Variants in CDH6 observed in about 807,000 individuals in gnomAD.
The protein encoded by CDH6 is cadherin 6, also known as cadherin-6.
A neutral mutation model predicts 78.0 loss-of-function variants in CDH6; 31 were observed. The observed-to-expected ratio is 0.40, with a 90% CI of 0.30 to 0.54. The LOEUF (loss-of-function observed/expected upper bound fraction) is 0.54. Ranked by LOEUF, CDH6 falls within the 20% of genes least tolerant of loss-of-function variation. CDH6 has a pLI of 0.56. For synonymous variants in CDH6, 376 were observed against 368.8 expected (o/e 1.02, Z -0.23); for missense variants, 724 against 975.9 (o/e 0.74, Z 3.44).
In CDH6 at chr5:31,323,794, T is replaced by C. The variant is rs1185228136; in HGVS notation, c.*486T>C. On this transcript the variant is annotated 3_prime_UTR_variant, in exon 12 of 12. Transcript: ENST00000265071. ...GGTGTTTATTTGTGTCACAAAGAAT[T>C]TAAAATAACACTTGCCCATGCTATT... The C allele has an allele frequency of 4.3e-6, 1 of 231,578 alleles. No individual in the cohort carries two copies. Among genetic ancestry groups the C allele is most frequent in the African/African-American group, 2.2e-5 (1 of 45,252 alleles). The allele number at this position is 231,578 out of a possible 1,614,324, so 14.3% of individuals were successfully genotyped here.
intron 2 of CDH6, among the ~76,000 whole-genome samples, chr5:31,274,132 G>GATA: frequency 6.6e-6 from 1 of 152,258 alleles, no homozygotes; most frequent in South Asian, 2.1e-4. Flanking sequence ...TTGCTCATTG[G>GATA]ATATACTTCT....
chr5:31,259,816 GAA>G (rs1742163382), intron 1 of CDH6, among the ~76,000 whole-genome samples: 1 of 152,206 alleles, frequency 6.6e-6, no homozygotes, highest in African/African-American at 2.4e-5. Flanking sequence ...GCAGGTCTAG[GAA>G]AACCCCAGTG....
At chr5:31,302,903 A>AAAGAAAG (rs1554010012) in intron 6 of CDH6, among the ~76,000 whole-genome samples, 21 of 90,454 alleles carry the variant, frequency 2.3e-4, no homozygotes, top group Middle Eastern at 6.0e-3. Context: ...AAGAAAGAAA[A>AAAGAAAG]AAAGAAAGAA....
chr5:31,301,022 C>A (rs1463303763), intron 5 of CDH6, among the ~76,000 whole-genome samples: 1 of 152,104 alleles, frequency 6.6e-6, no homozygotes, highest in Admixed American at 6.5e-5. Context: ...ACTCAGAAGG[C>A]TGAGGTGGGA....
chr5:31,245,023 G>C (rs991634945), intron 1 of CDH6, among the ~76,000 whole-genome samples: 1 of 152,178 alleles, frequency 6.6e-6, no homozygotes, highest in African/African-American at 2.4e-5. Flanking sequence ...ACATGGAGCA[G>C]GAAACAAAGT....
intron 1 of CDH6, among the ~76,000 whole-genome samples, chr5:31,219,243 AT>A (rs1461834510): frequency 6.6e-6 from 1 of 152,080 alleles, no homozygotes; most frequent in Admixed American, 6.6e-5. Context: ...AAGCCATCAG[AT>A]TTTTTTGACT....
At chr5:31,297,673 A>G (rs1579895099) in intron 4 of CDH6, among the ~76,000 whole-genome samples, 1 of 152,184 alleles carries the variant, frequency 6.6e-6, no homozygotes, top group Non-Finnish European at 1.5e-5. Flanking sequence ...GGGTGAAGCT[A>G]AAAGGTAAAC....
At chr5:31,315,818 CTAA>C (rs761478009) in intron 8 of CDH6, among the ~76,000 whole-genome samples, 1 of 152,212 alleles carries the variant, frequency 6.6e-6, no homozygotes, top group Non-Finnish European at 1.5e-5. Flanking sequence ...ACCACTAAGA[CTAA>C]TAACTATCCT....
At chr5:31,280,140 G>A (rs2149939871) in intron 2 of CDH6, among the ~76,000 whole-genome samples, 1 of 152,258 alleles carries the variant, frequency 6.6e-6, no homozygotes, top group South Asian at 2.1e-4. Context: ...CTGAAGAAGG[G>A]GAAGGTGTAG....
At chr5:31,218,776 TA>T (rs1740932277) in intron 1 of CDH6, among the ~76,000 whole-genome samples, 1 of 152,184 alleles carries the variant, frequency 6.6e-6, no homozygotes, top group Non-Finnish European at 1.5e-5. Context: ...ATCCAGGGTC[TA>T]ACACAGGGTC....
chr5:31,268,941 C>T (rs937515224), intron 2 of CDH6, among the ~76,000 whole-genome samples: 3 of 152,062 alleles, frequency 2.0e-5, no homozygotes, highest in African/African-American at 7.2e-5. Context: ...AAGGGGTGAA[C>T]GTCAACACAG....
At chr5:31,218,331 C>T (rs944818425) in intron 1 of CDH6, among the ~76,000 whole-genome samples, 9 of 152,134 alleles carry the variant, frequency 5.9e-5, no homozygotes, top group Non-Finnish European at 8.8e-5. Flanking sequence ...GTTTATCTCA[C>T]ATGTCTCAAA....
intron 1 of CDH6, among the ~76,000 whole-genome samples, chr5:31,214,612 G>A (rs1263638558): frequency 1.3e-5 from 2 of 152,168 alleles, no homozygotes; most frequent in East Asian, 1.9e-4. Flanking sequence ...AATCACATTC[G>A]AAGCTAAGGC....
chr5:31,218,757 T>A (rs1217404163), intron 1 of CDH6, among the ~76,000 whole-genome samples: 2 of 152,188 alleles, frequency 1.3e-5, no homozygotes, highest in Non-Finnish European at 2.9e-5. Flanking sequence ...TGTCTCTTGC[T>A]TCTGTGAAAT....
intron 1 of CDH6, among the ~76,000 whole-genome samples, 181 bp downstream of exon 1, chr5:31,194,067 C>T (rs779547128): frequency 1.8e-4 from 28 of 152,080 alleles, no homozygotes; most frequent in Non-Finnish European, 3.8e-4. Flanking sequence ...TCCGGCTGCG[C>T]GGGCGGCGCT....
intron 1 of CDH6, among the ~76,000 whole-genome samples, chr5:31,257,385 G>A (rs967269617): frequency 3.3e-5 from 5 of 152,094 alleles, no homozygotes; most frequent in African/African-American, 1.2e-4. Context: ...GGATGGTCCC[G>A]ATCTCCTGAC....
At chr5:31,231,784 G>A (rs558540197) in intron 1 of CDH6, among the ~76,000 whole-genome samples, 3 of 152,150 alleles carry the variant, frequency 2.0e-5, no homozygotes, top group Admixed American at 2.0e-4. Flanking sequence ...GCCACACTGG[G>A]GATTAAATTT....
chr5:31,216,674 C>T (rs943867677), intron 1 of CDH6, among the ~76,000 whole-genome samples: 2 of 78,832 alleles, frequency 2.5e-5, no homozygotes, highest in African/African-American at 8.7e-5. Context: ...ATATAGCAAG[C>T]CCTGCCACCA....
intron 1 of CDH6, among the ~76,000 whole-genome samples, chr5:31,227,219 G>C (rs1741178075): frequency 1.3e-5 from 2 of 152,108 alleles, no homozygotes; most frequent in Admixed American, 1.3e-4. Context: ...GGAAAGGAAC[G>C]TACGGCGGGA....
Sources: gnomAD v4.1 joint callset for allele counts (sites outside exome capture counted in the v4.1 genomes callset) on GRCh38, gnomAD v4.1.1 for gene constraint, MANE v1.5 for transcripts, NCBI Gene and HGNC (gene_info 2026-07-23, HGNC 2026-07-21) for gene names.